The following ZNF573 variants were observed in gnomAD, a reference collection of about 807,000 sequenced individuals.
ZNF573 encodes zinc finger protein 573.
A neutral mutation model predicts 57.4 loss-of-function variants in ZNF573; 41 were observed. The ratio of observed to expected loss-of-function variants is 0.71; its 90% CI spans 0.56 to 0.93. The LOEUF is 0.93. Ranked by LOEUF, ZNF573 falls within the 40% of genes least tolerant of loss-of-function variation. The probability of loss-of-function intolerance (pLI) is 0.00; values close to 1 mark genes in which losing one functional copy is unlikely to be tolerated. For missense variants in ZNF573, 730 were observed against 794.8 expected (o/e 0.92, Z 0.98); for synonymous variants, 249 against 261.0 (o/e 0.95, Z 0.44).
At chr19:37,763,674 G>A (rs2045573589) in intron 4 of ZNF573, among the ~76,000 whole-genome samples, 1 of 152,256 alleles carries the variant, frequency 6.6e-6, no homozygotes, top group Admixed American at 6.5e-5. Flanking sequence ...ACTAAAAATT[G>A]GGAGGAGACT....
chr19:37,760,597 G>A (rs1351955109), intron 4 of ZNF573, among the ~76,000 whole-genome samples: 1 of 151,992 alleles, frequency 6.6e-6, no homozygotes, highest in East Asian at 1.9e-4. Flanking sequence ...GCCGCGGCGG[G>A]CAGATCACAA....
At chr19:37,767,134 T>G (rs564796011) in intron 4 of ZNF573, among the ~76,000 whole-genome samples, 4 of 152,326 alleles carry the variant, frequency 2.6e-5, no homozygotes, top group African/African-American at 7.2e-5. Flanking sequence ...CTCGGACCCC[T>G]GCTGACACCC....
chr19:37,741,264 T>C (rs1381667133), intron 4 of ZNF573, among the ~76,000 whole-genome samples: 3 of 152,212 alleles, frequency 2.0e-5, no homozygotes, highest in African/African-American at 7.2e-5. Flanking sequence ...TCCATCCATC[T>C]AGCTATCAAT....
At chr19:37,753,174 T>C (rs1172168919) in intron 4 of ZNF573, among the ~76,000 whole-genome samples, 1 of 152,184 alleles carries the variant, frequency 6.6e-6, no homozygotes, top group Non-Finnish European at 1.5e-5. Context: ...TATATATTAG[T>C]GTACATCTAT....
Position 37,739,167 on chromosome 19 carries a change from G to C in ZNF573, c.1323C>G (p.His441Gln). Residue 441 changes from histidine to glutamine, a missense_variant, in exon 5 of 5, where the codon CAC becomes CAG. His to Gln is a conservative substitution (Grantham distance 24, BLOSUM62 0). Coordinates refer to ENST00000536220, the MANE Select transcript of ZNF573 (RefSeq NM_001172690.2). The part of the protein sequence containing the change: ...QHQKIHTGMK[H>Q]FECKECKKTF... ...TTTTTTTACACTCCTTACATTCAAA[G>C]TGTTTCATGCCAGTATGAATTTTCT... The C allele has an allele frequency of 6.2e-7, 1 of 1,613,014 alleles. No homozygotes were observed. The highest frequency in any genetic ancestry group is 8.5e-7 in the Non-Finnish European group (1 of 1,179,740).
chr19:37,772,694 C>T (rs527943277), intron 2 of ZNF573, among the ~76,000 whole-genome samples: 53 of 151,102 alleles, frequency 3.5e-4, no homozygotes, highest in Non-Finnish European at 5.9e-4. Context: ...AGTGCAGTGA[C>T]ACAATCACTG....
At chr19:37,744,077 C>T (rs544376925) in intron 4 of ZNF573, among the ~76,000 whole-genome samples, 36 of 150,800 alleles carry the variant, frequency 2.4e-4, no homozygotes, top group African/African-American at 8.8e-4. Flanking sequence ...AACAAACCTG[C>T]ATGTTCTGCA....
At chr19:37,768,766 T>C (rs955417997) in intron 4 of ZNF573, among the ~76,000 whole-genome samples, 4 of 150,734 alleles carry the variant, frequency 2.7e-5, no homozygotes, top group African/African-American at 9.8e-5. Context: ...CCCGGGTTCA[T>C]GCCATTCTCC....
Position 37,771,690 on chromosome 19 carries a change from C to G in ZNF573, c.76G>C (p.Glu26Gln), listed in dbSNP as rs770049890. The G allele has an allele frequency of 9.4e-6, 15 of 1,591,800 alleles. No individual in the cohort carries two copies. In the South Asian group the frequency reaches 1.7e-4, roughly 18 times the overall value. ...YNSKTMTCFQ[E>Q]LVTFRDVAID... Reference sequence around the variant, plus strand: ...GCCACATCCCTGAATGTCACTAATTCCTGAAACTGCAAACCCATGCATTAC... The same window carrying G: ...GCCACATCCCTGAATGTCACTAATTGCTGAAACTGCAAACCCATGCATTAC... Residue 26 changes from glutamate to glutamine, a missense_variant, in exon 3 of 5, where the codon GAA becomes CAA. Transcript: ENST00000536220.
At chr19:37,775,003 ACTCT>A (rs201262763) in intron 1 of ZNF573, among the ~76,000 whole-genome samples, 1 of 146,668 alleles carries the variant, frequency 6.8e-6, no homozygotes, top group Non-Finnish European at 1.5e-5. Context: ...CTACTGCTAA[ACTCT>A]CTCTCTTTTT....
At chr19:37,749,994 T>C (rs1037919794) in intron 4 of ZNF573, among the ~76,000 whole-genome samples, 8 of 152,220 alleles carry the variant, frequency 5.3e-5, no homozygotes, top group African/African-American at 1.9e-4. Flanking sequence ...TTCTGGAGTG[T>C]TTCTTCAGAC....
In ZNF573 at chr19:37,739,848, A is replaced by T; in HGVS notation, c.642T>A (p.Gly214=). ...ACTGCCTACATTCATAGGTTTTCTC[A>T]CCAGTATGAAATCTCTGATGCACAG... ...QLTVHQRFHT[G]EKTYECRQCG... The change falls in exon 5 of 5, where the codon GGT becomes GGA. Residue 214 remains glycine (G), a synonymous_variant. Coordinates refer to ENST00000536220, the MANE Select transcript of ZNF573 (RefSeq NM_001172690.2). 6.2e-7 allele frequency: 1 copy of T among 1,613,868 alleles called. No individual in the cohort carries two copies.
intron 4 of ZNF573, among the ~76,000 whole-genome samples, chr19:37,750,680 T>A (rs191770596): frequency 6.6e-6 from 1 of 151,910 alleles, no homozygotes; most frequent in Non-Finnish European, 1.5e-5. Context: ...AGAGTATTTA[T>A]ATAAATTGTT....
chr19:37,757,841 A>G (rs534997965), intron 4 of ZNF573, among the ~76,000 whole-genome samples: 88 of 152,094 alleles, frequency 5.8e-4, no homozygotes, highest in Non-Finnish European at 1.2e-3. Context: ...GCACATATAT[A>G]CCATGGAATA....
In ZNF573 at chr19:37,739,326, G is replaced by C; in HGVS notation, c.1164C>G (p.Cys388Trp). ...TAGTATAGGTCTTCCCACATTGCTT[G>C]CATTCAAAAAGTTTCTCACCAGTAT... ...NIHTGEKLFE[C>W]KQCGKTYTTG... is the part of the protein sequence containing the mutation. Residue 388 changes from cysteine (C) to tryptophan (W), a missense_variant, in exon 5 of 5, where the codon TGC (cysteine) becomes TGG (tryptophan). Transcript: ENST00000536220. 6.2e-7 allele frequency: 1 copy of C among 1,611,458 alleles called. No individual in the cohort carries two copies. Among genetic ancestry groups the C allele is most frequent in the East Asian group, 2.2e-5 (1 of 44,686 alleles).
At chr19:37,778,341 A>G (rs2045731175) in intron 1 of ZNF573, 4 of 145,056 alleles carry the variant, frequency 2.8e-5, no homozygotes, top group Admixed American at 2.7e-4. Context: ...TGGTGGGATT[A>G]CAAGCATGCA....
At chr19:37,777,257 G>T (rs758464948) in intron 1 of ZNF573, among the ~76,000 whole-genome samples, 66 of 152,016 alleles carry the variant, frequency 4.3e-4, no homozygotes, top group Non-Finnish European at 8.4e-4. Flanking sequence ...TAAGTGATCT[G>T]CTGGCCTCAG....
intron 4 of ZNF573, among the ~76,000 whole-genome samples, chr19:37,756,586 A>G (rs2045490323): frequency 6.6e-6 from 1 of 152,164 alleles, no homozygotes; most frequent in South Asian, 2.1e-4. Context: ...CAGAGTCGCA[A>G]TAACATTAGG....
At position 37,777,234 on chromosome 19, in the gene ZNF573, G is replaced by A. The variant is rs905691079; in HGVS notation, c.-23+2310C>T. ...TCACCATGTTGGCCAGGCTGGTCTC[G>A]AACTCCTGGCCTTAAGTGATCTGCT... On this transcript the variant is annotated intron_variant, in intron 1 of 4. Coordinates refer to ENST00000536220, the MANE Select transcript of ZNF573 (RefSeq NM_001172690.2). 2.6e-5 allele frequency among the ~76,000 whole-genome samples: 4 copies of A among 151,934 alleles called. No homozygotes were observed. The South Asian group carries it at 6.2e-4, about 24-fold the overall frequency.
Sources: gnomAD v4.1 joint callset for allele counts (sites outside exome capture counted in the v4.1 genomes callset) on GRCh38, gnomAD v4.1.1 for gene constraint, MANE v1.5 for transcripts, NCBI Gene and HGNC (gene_info 2026-07-23, HGNC 2026-07-21) for gene names.